Variants in KERA observed in about 807,000 individuals in gnomAD.
The protein encoded by KERA is keratocan, also known as keratan sulfate proteoglycan keratocan.
Under a neutral mutation model 26.4 loss-of-function variants are expected in KERA, and 25 were observed. That is an observed-to-expected ratio of 0.95 (90% CI 0.69 to 1.32). The LOEUF (loss-of-function observed/expected upper bound fraction) is 1.32. KERA is among the 40% of genes most tolerant of loss of function. KERA has a pLI of 0.00. For missense variants in KERA, 434 were observed against 408.9 expected (o/e 1.06, Z -0.53); for synonymous variants, 167 against 146.1 (o/e 1.14, Z -1.03).
Position 91,051,510 on chromosome 12 carries a change from C to T in KERA, c.895G>A (p.Val299Ile), listed in dbSNP as rs752958703. Residue 299 changes from valine (V) to isoleucine (I), a missense_variant, in exon 3 of 3, where the codon GTC becomes ATC. Physicochemically the swap from Val to Ile is conservative, Grantham distance 29. Coordinates refer to ENST00000266719, the MANE Select transcript of KERA (RefSeq NM_007035.4). ...LDHNKIKSVN[V>I]SVICPSPSML... ...GATGGGCTGGGACATATTACAGAGA[C>T]ATTCACACCTACAGTGACAAAGAGA... is the stretch of plus-strand genomic sequence containing the variant. 68 of 1,607,012 alleles carry T rather than the reference C, an allele frequency of 4.2e-5. No homozygotes were observed. Among genetic ancestry groups the T allele is most frequent in the Non-Finnish European group, 5.6e-5 (66 of 1,174,514 alleles).
chr12:91,056,149 C>T lies in KERA; in HGVS notation c.133G>A (p.Glu45Lys), dbSNP rs1233162684. Residue 45 changes from glutamate to lysine, a missense_variant, in exon 2 of 3, where the codon GAA becomes AAA. By Grantham distance (56) the Glu-to-Lys change is moderately conservative (BLOSUM62 1). Coordinates refer to ENST00000266719, the MANE Select transcript of KERA (RefSeq NM_007035.4). ...WTIHDFECPM[E>K]CFCPPSFPTA... ...GGAAAACTGGGTGGGCAGAAACATTCCATGGGACACTCGAAGTCATGAATA... is the reference window on the plus strand; with the variant it reads ...GGAAAACTGGGTGGGCAGAAACATTTCATGGGACACTCGAAGTCATGAATA... 6.2e-7 allele frequency: 1 copy of T among 1,610,430 alleles called. No individual in the cohort carries two copies. The highest frequency in any genetic ancestry group is 8.5e-7 in the Non-Finnish European group (1 of 1,177,866).
intron 2 of KERA, among the ~76,000 whole-genome samples, chr12:91,054,569 C>T (rs1878942784): frequency 6.6e-6 from 1 of 150,452 alleles, no homozygotes. Context: ...ATGTGTCCAA[C>T]ATCTGCTTTC....
At chr12:91,055,019 T>C (rs1490263287) in intron 2 of KERA, among the ~76,000 whole-genome samples, 2 of 151,276 alleles carry the variant, frequency 1.3e-5, no homozygotes, top group African/African-American at 2.4e-5. Flanking sequence ...TCTTAAATCA[T>C]ATTTTCTTTA....
Position 91,055,652 on chromosome 12 carries a change from T to A in KERA, c.630A>T (p.Arg210Ser). The A allele has an allele frequency of 6.2e-6, 10 of 1,611,334 alleles. No individual in the cohort carries two copies. The highest frequency in any genetic ancestry group is 7.6e-6 in the Non-Finnish European group (9 of 1,178,200). The change falls in exon 2 of 3, where the codon AGA (arginine) becomes AGT (serine). Residue 210 changes from arginine (R) to serine (S), a missense_variant. Coordinates refer to ENST00000266719, the MANE Select transcript of KERA (RefSeq NM_007035.4). The part of the protein sequence containing the change: ...AKNALRNMPP[R>S]LPANTMQLFL... ...ACAACTGCATTGTATTGGCTGGTAATCTTGGAGGCATATTCCTCAGGGCAT... is the reference window on the plus strand; with the variant it reads ...ACAACTGCATTGTATTGGCTGGTAAACTTGGAGGCATATTCCTCAGGGCAT...
chr12:91,056,153 G>T lies in KERA; in HGVS notation c.129C>A (p.Pro43=). The T allele has an allele frequency of 6.2e-7, 1 of 1,610,334 alleles. No homozygotes were observed. The highest frequency in any genetic ancestry group is 8.5e-7 in the Non-Finnish European group (1 of 1,177,812). Residue 43 remains proline (P), a synonymous_variant, in exon 2 of 3, where the codon CCC becomes CCA. Transcript: ENST00000266719. ...DDWTIHDFEC[P]MECFCPPSFP... is the part of the protein sequence containing the mutation. ...AACTGGGTGGGCAGAAACATTCCAT[G>T]GGACACTCGAAGTCATGAATAGTCC...
At chr12:91,053,610 G>T (rs535560205) in intron 2 of KERA, among the ~76,000 whole-genome samples, 2 of 151,438 alleles carry the variant, frequency 1.3e-5, no homozygotes, top group South Asian at 4.1e-4. Context: ...AATTCTGGGG[G>T]TAGGAAACAG....
chr12:91,056,070 G>A lies in KERA; in HGVS notation c.212C>T (p.Ser71Leu). ...RGLKEIPAIPSRIWYLYLQNN... is the reference protein window; with the variant it reads ...RGLKEIPAIPLRIWYLYLQNN... The stretch of plus-strand genomic sequence containing the variant: ...TTGAAGATAAAGATACCAAATTCTT[G>A]AAGGAATAGCAGGAATTTCTTTGAG... Residue 71 changes from serine to leucine, a missense_variant, in exon 2 of 3, where the codon TCA becomes TTA. Transcript: ENST00000266719. The A allele has an allele frequency of 3.1e-6, 5 of 1,608,068 alleles. No individual in the cohort carries two copies. The highest frequency in any genetic ancestry group is 4.2e-6 in the Non-Finnish European group (5 of 1,177,470).
chr12:91,056,113 A>G lies in KERA; in HGVS notation c.169T>C (p.Tyr57His). 6.2e-7 allele frequency: 1 copy of G among 1,610,330 alleles called. No homozygotes were observed. Among genetic ancestry groups the G allele is most frequent in the Non-Finnish European group, 8.5e-7 (1 of 1,177,892 alleles). ...TCTTTGAGACCTCTATTTTCACAAT[A>G]TAAAGCAGTAGGAAAACTGGGTGGG... is the stretch of plus-strand genomic sequence containing the variant. ...FCPPSFPTAL[Y>H]CENRGLKEIP... Residue 57 changes from tyrosine to histidine, a missense_variant, in exon 2 of 3, where the codon TAT (tyrosine) becomes CAT (histidine). By Grantham distance (83) the Tyr-to-His change is moderately conservative (BLOSUM62 2). Coordinates refer to ENST00000266719, the MANE Select transcript of KERA (RefSeq NM_007035.4).
intron 2 of KERA, among the ~76,000 whole-genome samples, chr12:91,053,451 G>A (rs943173086): frequency 6.6e-6 from 1 of 151,278 alleles, no homozygotes; most frequent in African/African-American, 2.4e-5. Context: ...CTGATCTTCA[G>A]TTTCTCTCTT....
At chr12:91,051,586 A>C (rs1210787665) in intron 2 of KERA, 68 bp from the exon 3 acceptor site, 2 of 1,135,746 alleles carry the variant, frequency 1.8e-6, no homozygotes, top group Non-Finnish European at 2.7e-6. Context: ...GAAGACCAAA[A>C]AACTAATGCC....
At chr12:91,056,371 C>T (rs1879006554) in intron 1 of KERA, 82 bp from the exon 2 acceptor site, 2 of 1,123,478 alleles carry the variant, frequency 1.8e-6, no homozygotes, top group Non-Finnish European at 2.7e-6. Flanking sequence ...GATCAGTAAA[C>T]ATTGCTTCTT....
Position 91,055,782 on chromosome 12 carries a change from T to G in KERA, c.500A>C (p.Asn167Thr). Residue 167 changes from asparagine (N) to threonine (T), a missense_variant, in exon 2 of 3, where the codon AAC becomes ACC. Coordinates refer to ENST00000266719, the MANE Select transcript of KERA (RefSeq NM_007035.4). ...IPQGTFSNLENLTLLDLQNNK... is the reference protein window; with the variant it reads ...IPQGTFSNLETLTLLDLQNNK... ...GTTCTGTAGGTCAAGAAGGGTCAGG[T>G]TCTCCAGATTGCTAAAGGTCCCTTG... is the stretch of plus-strand genomic sequence containing the variant. 1 of 1,611,436 alleles carries G rather than the reference T, an allele frequency of 6.2e-7. No individual in the cohort carries two copies. The highest frequency in any genetic ancestry group is 8.5e-7 in the Non-Finnish European group (1 of 1,178,240).
intron 1 of KERA, 147 bp from the exon 2 acceptor site, chr12:91,056,436 C>A: frequency 1.4e-6 from 1 of 701,580 alleles, no homozygotes. Flanking sequence ...AATTAATATA[C>A]ATTAGTTAGT....
chr12:91,056,340 G>T, intron 1 of KERA, 51 bp from the exon 2 acceptor site: 3 of 1,436,948 alleles, frequency 2.1e-6, no homozygotes, highest in Middle Eastern at 1.7e-4. Flanking sequence ...TTGACCTTTA[G>T]ATAATTTTAT....
rs1297716774 is a variant in KERA, at chr12:91,055,905, A to T, written c.377T>A (p.Leu126Ter). 1 of 1,611,242 alleles carries T rather than the reference A, an allele frequency of 6.2e-7. No individual in the cohort carries two copies. The highest frequency in any genetic ancestry group is 1.7e-5 in the Admixed American group (1 of 59,734). The stretch of plus-strand genomic sequence containing the variant: ...CTCTAGCTCATTATCTTCCAGAAAT[A>T]AGAAGAGCAACTTCTTCAGCTGGCT... The part of the protein sequence containing the change: ...ALSQLKKLLF[L>*]FLEDNELEEV... Residue 126 changes from leucine (L) to a stop codon, truncating the protein, a stop_gained, in exon 2 of 3, where the codon TTA becomes TAA. Coordinates refer to ENST00000266719, the MANE Select transcript of KERA (RefSeq NM_007035.4). LOFTEE classifies it high-confidence loss of function.
chr12:91,057,028 G>GTA (rs145720565), intron 1 of KERA, among the ~76,000 whole-genome samples: 13,686 of 149,556 alleles, frequency 0.092, 777 homozygotes, highest in South Asian at 0.2. Context: ...CTCTATATAT[G>GTA]TATATATATG....
In KERA at chr12:91,055,938, C is replaced by G. The variant is rs1878989822; in HGVS notation, c.344G>C (p.Gly115Ala). 6.2e-7 allele frequency: 1 copy of G among 1,611,048 alleles called. No homozygotes were observed. Among genetic ancestry groups the G allele is most frequent in the Non-Finnish European group, 8.5e-7 (1 of 1,178,198 alleles). The change falls in exon 2 of 3, where the codon GGA (glycine) becomes GCA (alanine). Residue 115 changes from glycine (G) to alanine (A), a missense_variant. Transcript: ENST00000266719. ...NKITNYGIEK[G>A]ALSQLKKLLF... ...CAACTTCTTCAGCTGGCTTAGGGCT[C>G]CTTTTTCAATTCCGTAGTTGGTTAT...
Position 91,051,164 on chromosome 12 carries a change from T to C in KERA, c.*182A>G. ...ATTAATTAAAAGAAAAGCAAATTAA[T>C]GCAGGCTGTGATGCATGTAACTGGC... On this transcript the variant is annotated 3_prime_UTR_variant, in exon 3 of 3. Transcript: ENST00000266719. 1 of 581,668 alleles carries C rather than the reference T, an allele frequency of 1.7e-6. No homozygotes were observed. 36.0% of individuals were successfully genotyped at this position (581,668 alleles called of 1,614,324 possible).
At chr12:91,054,479 A>T (rs1344867877) in intron 2 of KERA, among the ~76,000 whole-genome samples, 1 of 151,238 alleles carries the variant, frequency 6.6e-6, no homozygotes, top group Non-Finnish European at 1.5e-5. Context: ...TAGGTATCGT[A>T]CCCCTGTGGC....
Sources: gnomAD v4.1 joint callset for allele counts (sites outside exome capture counted in the v4.1 genomes callset) on GRCh38, gnomAD v4.1.1 for gene constraint, MANE v1.5 for transcripts, NCBI Gene and HGNC (gene_info 2026-07-23, HGNC 2026-07-21) for gene names.